Variants in PRKAR1A observed in about 807,000 individuals in gnomAD.
PRKAR1A encodes protein kinase cAMP-dependent type I regulatory subunit alpha, also known as cAMP-dependent protein kinase type I-alpha regulatory subunit.
PRKAR1A carries 3 observed loss-of-function variants against 52.0 expected under a neutral mutation model. That is an observed-to-expected ratio of 0.06 (90% CI 0.03 to 0.15). The LOEUF (loss-of-function observed/expected upper bound fraction) is 0.15, where lower values mean the gene tolerates loss of function less well. Among genes scored for constraint, PRKAR1A ranks in the 10% least tolerant of loss-of-function variants. PRKAR1A has a pLI of 1.00. For synonymous variants in PRKAR1A, 188 were observed against 168.4 expected (o/e 1.12, Z -0.90); for missense variants, 240 against 477.4 (o/e 0.50, Z 4.63).
the PRKAR1A span, among the ~76,000 whole-genome samples, chr17:68,499,050 G>T: frequency 6.6e-6 from 1 of 152,122 alleles, no homozygotes; most frequent in East Asian, 1.9e-4. Flanking sequence ...TACCTCAAAA[G>T]GTGCTGTGAG....
At position 68,522,936 on chromosome 17, in the gene PRKAR1A, A is replaced by G. The variant is rs2085663299; in HGVS notation, c.348+10A>G. The G allele has an allele frequency of 6.2e-7, 1 of 1,613,040 alleles. No individual in the cohort carries two copies. Among genetic ancestry groups the G allele is most frequent in the African/African-American group, 1.3e-5 (1 of 75,028 alleles). On this transcript the variant is annotated intron_variant, in intron 3 of 10. Coordinates refer to ENST00000589228, the MANE Select transcript of PRKAR1A (RefSeq NM_002734.5). ...ATCCTATGTTAGAAAGGTAGTTTTG[A>G]TATTTGAATATCGGGGGGATGCTTT...
chr17:68,430,046 G>A, the PRKAR1A span: 2 of 1,614,202 alleles, frequency 1.2e-6, no homozygotes, highest in Non-Finnish European at 1.7e-6. Flanking sequence ...AGCGTGCAGT[G>A]GCAAAAGCCC....
chr17:68,513,348 CT>C (rs2085330599), intron 1 of PRKAR1A: 1 of 152,280 alleles, frequency 6.6e-6, no homozygotes, highest in African/African-American at 2.4e-5. Context: ...AGAGATCCGT[CT>C]TTTTAGCAGA....
the PRKAR1A span, among the ~76,000 whole-genome samples, chr17:68,440,253 T>A: frequency 3.7e-3 from 567 of 152,338 alleles, 2 homozygotes; most frequent in Middle Eastern, 0.01. Context: ...CTACTGTGAC[T>A]TCCCTATGGC....
intron 2 of PRKAR1A, among the ~76,000 whole-genome samples, chr17:68,519,151 A>G (rs1242952651): frequency 6.6e-6 from 1 of 152,142 alleles, no homozygotes; most frequent in African/African-American, 2.4e-5. Flanking sequence ...CCTGTTACCC[A>G]GTTCCAAAGT....
chr17:68,464,600 G>C, the PRKAR1A span, among the ~76,000 whole-genome samples: 1 of 151,522 alleles, frequency 6.6e-6, no homozygotes, highest in African/African-American at 2.4e-5. Context: ...AGAATCGCTT[G>C]AACCCGGGAG....
chr17:68,484,482 G>A, the PRKAR1A span, among the ~76,000 whole-genome samples: 2 of 146,850 alleles, frequency 1.4e-5, no homozygotes, highest in Non-Finnish European at 3.0e-5. Flanking sequence ...GTATTCCATC[G>A]GGTTTTCTAC....
the PRKAR1A span, among the ~76,000 whole-genome samples, chr17:68,500,808 C>T: frequency 4.6e-5 from 7 of 152,048 alleles, no homozygotes; most frequent in South Asian, 2.1e-4. Context: ...TGAGCCACGG[C>T]GCCCGGCCTC....
chr17:68,463,405 C>CCATT, the PRKAR1A span, among the ~76,000 whole-genome samples: 3 of 152,152 alleles, frequency 2.0e-5, no homozygotes, highest in Admixed American at 1.3e-4. Flanking sequence ...ATTCATTCAT[C>CCATT]CATTCATTCA....
chr17:68,535,712 A>G (rs937489055), downstream of PRKAR1A: 9 of 449,134 alleles, frequency 2.0e-5, no homozygotes, highest in East Asian at 7.0e-5. Flanking sequence ...GGGTTTTGTC[A>G]TGTTACCCAG....
chr17:68,538,549 A>G (rs1433562757), intron 11 of PRKAR1A, among the ~76,000 whole-genome samples: 5 of 152,234 alleles, frequency 3.3e-5, no homozygotes, highest in Non-Finnish European at 7.3e-5. Context: ...GAAGTGTGGA[A>G]GTAAGTTAGA....
chr17:68,486,506 C>CTTCCCTCT, the PRKAR1A span, among the ~76,000 whole-genome samples: 6 of 48,200 alleles, frequency 1.2e-4, no homozygotes, highest in African/African-American at 4.0e-4. Flanking sequence ...TCCTTCCTTC[C>CTTCCCTCT]TTCTTTCTTT....
the PRKAR1A span, among the ~76,000 whole-genome samples, chr17:68,488,475 C>T: frequency 5.9e-5 from 9 of 152,024 alleles, no homozygotes; most frequent in East Asian, 1.9e-4. Context: ...TGCCTGTCAT[C>T]GCAGCACTTT....
At chr17:68,540,125 G>A (rs1568719033) in intron 11 of PRKAR1A, among the ~76,000 whole-genome samples, 1 of 152,184 alleles carries the variant, frequency 6.6e-6, no homozygotes, top group Admixed American at 6.5e-5. Flanking sequence ...GGCCATCAGT[G>A]AAGCAGCCGC....
Position 68,527,908 on chromosome 17 carries a change from G to T in PRKAR1A, c.769+8G>T. ...GTAAAGTCTCTATTTTAGGTGAGTTGTAAAGTGTGTTAACTTTGCTAGTAT... is the reference window on the plus strand; with the variant it reads ...GTAAAGTCTCTATTTTAGGTGAGTTTTAAAGTGTGTTAACTTTGCTAGTAT... On this transcript the variant is annotated splice_region_variant and intron_variant, in intron 8 of 10. Coordinates refer to ENST00000589228, the MANE Select transcript of PRKAR1A (RefSeq NM_002734.5). The T allele has an allele frequency of 6.2e-7, 1 of 1,605,100 alleles. No homozygotes were observed. The highest frequency in any genetic ancestry group is 8.5e-7 in the Non-Finnish European group (1 of 1,172,092).
chr17:68,512,826 C>T (rs1568685381), intron 1 of PRKAR1A: 1 of 152,042 alleles, frequency 6.6e-6, no homozygotes, highest in Non-Finnish European at 1.5e-5. Context: ...GCTCCTGGGG[C>T]CCTGGGCCCT....
At chr17:68,460,424 C>G in the PRKAR1A span, among the ~76,000 whole-genome samples, 95 of 152,338 alleles carry the variant, frequency 6.2e-4, no homozygotes, top group African/African-American at 2.0e-3. Context: ...ATTTCAGACA[C>G]TTTAAATCAG....
At chr17:68,536,266 G>A (rs191437362), downstream of PRKAR1A, 152 of 454,028 alleles carry the variant, frequency 3.3e-4, no homozygotes, top group Middle Eastern at 3.5e-3. Flanking sequence ...TTTGAACTCT[G>A]GCCTTTACTG....
At chr17:68,435,727 G>A in the PRKAR1A span, 2 of 1,612,750 alleles carry the variant, frequency 1.2e-6, no homozygotes, top group South Asian at 2.2e-5. Flanking sequence ...TGGTGAAAAG[G>A]AAAAATGGAT....
Sources: allele counts gnomAD v4.1 joint callset (sites outside exome capture counted in the v4.1 genomes callset), GRCh38; gene constraint gnomAD v4.1.1; transcripts MANE v1.5; gene names NCBI Gene and HGNC (gene_info 2026-07-23, HGNC 2026-07-21).